ZBBX: variants seen among roughly 807,000 people sequenced by gnomAD.
The protein encoded by ZBBX is zinc finger B-box domain-containing protein 1.
In ZBBX, 101 loss-of-function variants were observed where a neutral mutation model predicts 108.5. The ratio of observed to expected loss-of-function variants is 0.93; its 90% CI spans 0.79 to 1.10. The LOEUF (loss-of-function observed/expected upper bound fraction) is 1.10, where lower values mean the gene tolerates loss of function less well. Ranked by LOEUF, ZBBX falls within the 50% of genes least tolerant of loss-of-function variation. ZBBX has a pLI of 0.00. For synonymous variants in ZBBX, 356 were observed against 323.4 expected (o/e 1.10, Z -1.08); for missense variants, 1,009 against 941.4 (o/e 1.07, Z -0.94).
intron 2 of ZBBX, among the ~76,000 whole-genome samples, chr3:167,378,840 A>T (rs1747365408): frequency 6.6e-6 from 1 of 152,172 alleles, no homozygotes; most frequent in Admixed American, 6.5e-5. Flanking sequence ...TATCATGAAG[A>T]TTCCCTCCAT....
At chr3:167,234,783 G>A in the ZBBX span, among the ~76,000 whole-genome samples, 2 of 151,654 alleles carry the variant, frequency 1.3e-5, no homozygotes, top group African/African-American at 4.8e-5. Context: ...TTTATTCTAA[G>A]AGCCAATGTG....
the ZBBX span, among the ~76,000 whole-genome samples, chr3:167,217,891 ATTT>A: frequency 7.8e-5 from 11 of 141,842 alleles, no homozygotes; most frequent in Non-Finnish European, 9.2e-5. Context: ...TGTTCTCACT[ATTT>A]TTTTTTTTTT....
At chr3:167,382,248 C>G (rs76294635), upstream of ZBBX, among the ~76,000 whole-genome samples, 2,858 of 152,262 alleles carry the variant, frequency 0.019, 99 homozygotes, top group African/African-American at 0.065. Context: ...TAAGCCTATG[C>G]TAAGTCACAT....
At chr3:167,242,675 C>T (rs766969757) in intron 20 of ZBBX, 32 bp from the exon 21 acceptor site, 51 of 1,594,460 alleles carry the variant, frequency 3.2e-5, no homozygotes, top group Admixed American at 1.0e-4. Context: ...ATTGTCAAAA[C>T]ATAAATTCAA....
intron 20 of ZBBX, among the ~76,000 whole-genome samples, chr3:167,281,159 T>C (rs1728745739): frequency 6.6e-6 from 1 of 152,034 alleles, no homozygotes; most frequent in African/African-American, 2.4e-5. Context: ...TGCTAGATGA[T>C]GAGTTAGTGG....
intron 18 of ZBBX, among the ~76,000 whole-genome samples, chr3:167,290,022 G>T (rs1730402957): frequency 1.3e-5 from 2 of 152,272 alleles, no homozygotes; most frequent in African/African-American, 4.8e-5. Context: ...ACCATGGCCA[G>T]ATTGCCTTCT....
chr3:167,194,227 T>G, the ZBBX span, among the ~76,000 whole-genome samples: 1 of 97,856 alleles, frequency 1.0e-5, no homozygotes. Flanking sequence ...AAATATGTAC[T>G]AAATATATAT....
At chr3:167,298,281 T>C (rs1368077703) in intron 18 of ZBBX, 24 bp downstream of exon 18, 10 of 1,575,620 alleles carry the variant, frequency 6.3e-6, no homozygotes, top group Non-Finnish European at 8.6e-6. Flanking sequence ...CAGACTGTTT[T>C]AGAAAAATGA....
chr3:167,359,296 A>T (rs1211168599), intron 8 of ZBBX, among the ~76,000 whole-genome samples: 2 of 152,188 alleles, frequency 1.3e-5, no homozygotes, highest in African/African-American at 2.4e-5. Context: ...TTGGGGACTG[A>T]TTGGAAAAGG....
chr3:167,232,285 T>C, the ZBBX span, among the ~76,000 whole-genome samples: 4 of 151,956 alleles, frequency 2.6e-5, no homozygotes, highest in South Asian at 6.2e-4. Context: ...AGGAGAGCGA[T>C]GCTGTCAAAG....
At position 167,321,229 on chromosome 3, in the gene ZBBX, G is replaced by A. The variant is rs565513410; in HGVS notation, c.983+888C>T. Among the ~76,000 whole-genome samples the A allele has an allele frequency of 7.9e-5, 12 of 152,116 alleles. No individual in the cohort carries two copies. The East Asian group carries it at 2.3e-3, about 29-fold the overall frequency. ...TAGCACATTACAAACAGTTGAAGGT[G>A]AGTGGTGGTGCGGGTATTAACCTAT... On this transcript the variant is annotated intron_variant, in intron 12 of 21. Transcript: ENST00000675490.
intron 16 of ZBBX, among the ~76,000 whole-genome samples, chr3:167,311,752 G>GA (rs752826119): frequency 6.6e-6 from 1 of 152,028 alleles, no homozygotes; most frequent in Non-Finnish European, 1.5e-5. Flanking sequence ...ACAATTGCTA[G>GA]AATGGAAAAA....
intron 19 of ZBBX, chr3:167,282,717 A>C: frequency 2.2e-6 from 1 of 450,232 alleles, no homozygotes; most frequent in South Asian, 5.2e-5. Context: ...TTTTTTTCCT[A>C]ATTTTCCTAC....
At chr3:167,333,178 A>G (rs1057211412) in intron 10 of ZBBX, among the ~76,000 whole-genome samples, 6 of 152,008 alleles carry the variant, frequency 3.9e-5, no homozygotes, top group Admixed American at 6.6e-5. Flanking sequence ...GACTTGGTCA[A>G]AATATAACAA....
chr3:167,399,667 A>G (rs956913205), intron 1 of ZBBX: 4 of 152,130 alleles, frequency 2.6e-5, no homozygotes, highest in African/African-American at 9.7e-5. Flanking sequence ...TATACTCAAC[A>G]AGATTATTAT....
At chr3:167,235,248 T>C (rs1292053707), downstream of ZBBX, among the ~76,000 whole-genome samples, 2 of 151,688 alleles carry the variant, frequency 1.3e-5, no homozygotes, top group African/African-American at 4.8e-5. Flanking sequence ...ATCTTTAAAA[T>C]AAAATGTGCA....
the ZBBX span, among the ~76,000 whole-genome samples, chr3:167,189,694 C>T: frequency 8.1e-4 from 123 of 152,300 alleles, no homozygotes; most frequent in Non-Finnish European, 1.4e-3. Flanking sequence ...TACAGACTTC[C>T]CATATAACCC....
At chr3:167,226,885 A>G in the ZBBX span, among the ~76,000 whole-genome samples, 1 of 151,682 alleles carries the variant, frequency 6.6e-6, no homozygotes, top group African/African-American at 2.4e-5. Flanking sequence ...CTCTTTCCCT[A>G]TGCGTAATAA....
At chr3:167,269,957 G>A (rs903708970) in intron 20 of ZBBX, among the ~76,000 whole-genome samples, 1 of 152,152 alleles carries the variant, frequency 6.6e-6, no homozygotes, top group Non-Finnish European at 1.5e-5. Context: ...AACAGTATCA[G>A]CAGACAGTTT....
Sources: allele counts gnomAD v4.1 joint callset (sites outside exome capture counted in the v4.1 genomes callset), GRCh38; gene constraint gnomAD v4.1.1; transcripts MANE v1.5; gene names NCBI Gene and HGNC (gene_info 2026-07-23, HGNC 2026-07-21).